The following TANC2 variants were observed in gnomAD, a reference collection of about 807,000 sequenced individuals.
The protein encoded by TANC2 is protein TANC2.
TANC2 carries 26 observed loss-of-function variants against 210.5 expected under a neutral mutation model. That is an observed-to-expected ratio of 0.12 (90% CI 0.09 to 0.17). TANC2 has a LOEUF of 0.17. TANC2 is among the 10% of genes least tolerant of loss of function. The probability of loss-of-function intolerance (pLI) is 1.00; values close to 1 mark genes in which losing one functional copy is unlikely to be tolerated. For missense variants in TANC2, 2,129 were observed against 2,608.9 expected (o/e 0.82, Z 4.01); for synonymous variants, 931 against 967.1 (o/e 0.96, Z 0.69).
intron 2 of TANC2, among the ~76,000 whole-genome samples, chr17:63,026,097 C>T (rs547808222): frequency 3.3e-5 from 5 of 152,172 alleles, no homozygotes; most frequent in East Asian, 1.9e-4. Flanking sequence ...ATCACCTTCT[C>T]GGTGAAGTCT....
intron 3 of TANC2, among the ~76,000 whole-genome samples, chr17:63,082,766 A>G (rs149003388): frequency 6.6e-6 from 1 of 152,088 alleles, no homozygotes; most frequent in African/African-American, 2.4e-5. Context: ...CCCTTTGTTA[A>G]TGAGGGTAGG....
At chr17:63,140,230 C>T (rs1406932322) in intron 4 of TANC2, among the ~76,000 whole-genome samples, 2 of 152,196 alleles carry the variant, frequency 1.3e-5, no homozygotes, top group African/African-American at 4.8e-5. Flanking sequence ...TTAAAATTTT[C>T]TTCTTGACAG....
intron 2 of TANC2, among the ~76,000 whole-genome samples, chr17:63,028,450 T>G (rs2034640006): frequency 6.6e-6 from 1 of 151,718 alleles, no homozygotes; most frequent in South Asian, 2.1e-4. Flanking sequence ...GGACAAAGAG[T>G]AGTAAATTGT....
At chr17:63,006,635 T>G (rs1270139161) in intron 1 of TANC2, among the ~76,000 whole-genome samples, 1 of 152,202 alleles carries the variant, frequency 6.6e-6, no homozygotes, top group Non-Finnish European at 1.5e-5. Flanking sequence ...CTCTGAAAGA[T>G]TTCAAAATTT....
chr17:63,319,261 G>T (rs554080452), intron 11 of TANC2, among the ~76,000 whole-genome samples, 171 bp downstream of exon 11: 1 of 152,218 alleles, frequency 6.6e-6, no homozygotes, highest in South Asian at 2.1e-4. Context: ...TTATTGTGAT[G>T]GGATCAGAAC....
intron 12 of TANC2, among the ~76,000 whole-genome samples, chr17:63,346,457 A>G (rs1055790988): frequency 6.6e-6 from 1 of 152,206 alleles, no homozygotes; most frequent in African/African-American, 2.4e-5. Context: ...GACACTTTAC[A>G]AAAGAAGATA....
chr17:63,133,098 C>G (rs773032799), intron 4 of TANC2, among the ~76,000 whole-genome samples: 13 of 152,204 alleles, frequency 8.5e-5, no homozygotes, highest in African/African-American at 1.2e-4. Flanking sequence ...CTCAGTCTCC[C>G]AAGCAGCTGA....
intron 2 of TANC2, among the ~76,000 whole-genome samples, chr17:63,063,776 C>T (rs933409201): frequency 6.6e-6 from 1 of 151,844 alleles, no homozygotes; most frequent in Non-Finnish European, 1.5e-5. Flanking sequence ...GTTTTACTCT[C>T]TGTTATTGTT....
chr17:62,984,270 C>G (rs776438667), intron 1 of TANC2, among the ~76,000 whole-genome samples: 15 of 152,010 alleles, frequency 9.9e-5, no homozygotes, highest in Non-Finnish European at 1.8e-4. Context: ...GACATATATT[C>G]ATAGTAGTCT....
chr17:63,427,162 C>T (rs1199118856), exon 28 of TANC2: 1 of 152,270 alleles, frequency 6.6e-6, no homozygotes, highest in African/African-American at 2.4e-5. Context: ...CAGGCGTGGC[C>T]TCCTTTCCAT....
intron 1 of TANC2, among the ~76,000 whole-genome samples, chr17:63,005,896 TTGTGTGTGTGTGTGTGTGTG>T (rs56763847): frequency 1.6e-3 from 215 of 132,844 alleles, no homozygotes; most frequent in African/African-American, 5.5e-3. Context: ...GCTGTATAGT[TTGTGTGTGTGTGTGTGTGTG>T]TGTGTGTGTG....
intron 8 of TANC2, among the ~76,000 whole-genome samples, chr17:63,241,298 A>G (rs970707259): frequency 1.3e-5 from 2 of 152,224 alleles, no homozygotes; most frequent in African/African-American, 2.4e-5. Context: ...TGGAATGTAT[A>G]AACAGCATTT....
intron 3 of TANC2, among the ~76,000 whole-genome samples, chr17:63,095,016 C>CCAG: frequency 6.9e-6 from 1 of 144,632 alleles, no homozygotes; most frequent in African/African-American, 2.8e-5. Flanking sequence ...TTTTTTTTAA[C>CCAG]TTCATGTTAT....
At chr17:63,049,963 G>A (rs1246437592) in intron 2 of TANC2, among the ~76,000 whole-genome samples, 2 of 152,176 alleles carry the variant, frequency 1.3e-5, no homozygotes, top group African/African-American at 4.8e-5. Context: ...AAAGAAAGGA[G>A]TTGCTGTTTA....
intron 12 of TANC2, among the ~76,000 whole-genome samples, chr17:63,346,233 A>G (rs991132493): frequency 1.3e-5 from 2 of 152,246 alleles, no homozygotes; most frequent in African/African-American, 4.8e-5. Flanking sequence ...TAAGGACACA[A>G]AGTATCACTA....
chr17:63,369,297 C>T (rs377609459), intron 14 of TANC2, among the ~76,000 whole-genome samples: 29 of 152,278 alleles, frequency 1.9e-4, no homozygotes, highest in East Asian at 1.4e-3. Context: ...TTTCACCTTT[C>T]GCTCTTTATG....
chr17:63,237,395 A>G (rs1427925844), intron 7 of TANC2, among the ~76,000 whole-genome samples: 1 of 152,098 alleles, frequency 6.6e-6, no homozygotes, highest in Non-Finnish European at 1.5e-5. Flanking sequence ...TAGTTTGCAT[A>G]TATTTTCTCC....
At chr17:62,999,904 T>C (rs1352063187) in intron 1 of TANC2, among the ~76,000 whole-genome samples, 1 of 152,164 alleles carries the variant, frequency 6.6e-6, no homozygotes, top group Non-Finnish European at 1.5e-5. Flanking sequence ...TATGCAGGCA[T>C]AAAAGAATGA....
At chr17:63,104,004 G>A (rs749473582) in intron 4 of TANC2, among the ~76,000 whole-genome samples, 4 of 151,956 alleles carry the variant, frequency 2.6e-5, no homozygotes, top group Admixed American at 2.0e-4. Context: ...CTCCACATGT[G>A]TCTCATTTTA....
Sources: gnomAD v4.1 joint callset for allele counts (sites outside exome capture counted in the v4.1 genomes callset) on GRCh38, gnomAD v4.1.1 for gene constraint, MANE v1.5 for transcripts, NCBI Gene and HGNC (gene_info 2026-07-23, HGNC 2026-07-21) for gene names.